DMD: variants seen among roughly 807,000 people sequenced by gnomAD.
The protein encoded by DMD is dystrophin.
A neutral mutation model predicts 330.1 loss-of-function variants in DMD; 63 were observed. The observed-to-expected ratio is 0.19, with a 90% CI of 0.16 to 0.24. The LOEUF (loss-of-function observed/expected upper bound fraction) is 0.24, where lower values mean the gene tolerates loss of function less well. Ranked by LOEUF, DMD falls within the 10% of genes least tolerant of loss-of-function variation. DMD has a pLI of 1.00. For synonymous variants in DMD, 1,223 were observed against 959.8 expected (o/e 1.27, Z -5.07); for missense variants, 3,344 against 2,684.1 (o/e 1.25, Z -5.43).
intron 2 of DMD, among the ~76,000 whole-genome samples, chrX:32,985,530 A>C (rs1395716797): frequency 8.9e-6 from 1 of 111,930 alleles, no homozygotes; most frequent in Non-Finnish European, 1.9e-5. Flanking sequence ...TGTCAGAAAA[A>C]AAAAATCATA....
At chrX:33,180,435 G>A (rs138718151) in intron 1 of DMD, among the ~76,000 whole-genome samples, 1,393 of 111,160 alleles carry the variant, frequency 0.013, 22 homozygotes, top group African/African-American at 0.044. Flanking sequence ...ACACACACGC[G>A]CACACACACA....
At chrX:32,538,895 C>T (rs1458876423) in intron 17 of DMD, among the ~76,000 whole-genome samples, 1 of 109,401 alleles carries the variant, frequency 9.1e-6, no homozygotes, top group East Asian at 2.9e-4. Flanking sequence ...TTGGGCCCAC[C>T]AGCAGTGTTT....
intron 44 of DMD, among the ~76,000 whole-genome samples, chrX:32,054,273 A>G (rs765153676): frequency 9.6e-6 from 1 of 103,854 alleles, no homozygotes; most frequent in East Asian, 3.2e-4. Context: ...TACATGTGCC[A>G]TGTTGGTGTC....
At chrX:32,983,075 C>A (rs1235138746) in intron 2 of DMD, among the ~76,000 whole-genome samples, 1 of 111,746 alleles carries the variant, frequency 8.9e-6, no homozygotes, top group Admixed American at 9.5e-5. Flanking sequence ...GGGAGGGGCA[C>A]CCTCACAGGA....
intron 16 of DMD, among the ~76,000 whole-genome samples, chrX:32,561,378 G>A (rs759876638): frequency 9.0e-6 from 1 of 111,202 alleles, no homozygotes; most frequent in East Asian, 2.8e-4. Flanking sequence ...GTCAATACCT[G>A]AATAGACCAA....
chrX:32,358,113 C>A (rs1164291571), intron 37 of DMD, among the ~76,000 whole-genome samples: 1 of 110,672 alleles, frequency 9.0e-6, no homozygotes, highest in Non-Finnish European at 1.9e-5. Flanking sequence ...GGTGAGAATT[C>A]ATCCTGATTA....
chrX:31,986,515 C>T (rs1350657198), intron 44 of DMD, among the ~76,000 whole-genome samples: 1 of 110,833 alleles, frequency 9.0e-6, no homozygotes, highest in Non-Finnish European at 1.9e-5. Context: ...CGGGTTCAAG[C>T]GATTCTCCTG....
intron 2 of DMD, among the ~76,000 whole-genome samples, chrX:33,009,030 A>G (rs1158132228): frequency 2.1e-5 from 2 of 96,665 alleles, no homozygotes; most frequent in African/African-American, 3.8e-5. Flanking sequence ...ATATATACAC[A>G]TGTGTGTATA....
chrX:32,249,987 C>G (rs1041507679), intron 43 of DMD, among the ~76,000 whole-genome samples: 2 of 101,501 alleles, frequency 2.0e-5, no homozygotes, highest in African/African-American at 7.9e-5. Context: ...CATAATGTCC[C>G]ACTTTTTTTG....
chrX:32,136,935 A>G (rs1200495695), intron 44 of DMD, among the ~76,000 whole-genome samples: 1 of 111,082 alleles, frequency 9.0e-6, no homozygotes. Context: ...GGTGCAGCGC[A>G]CCAGCATGGC....
At chrX:32,294,569 G>A (rs895707116) in intron 42 of DMD, among the ~76,000 whole-genome samples, 4 of 111,678 alleles carry the variant, frequency 3.6e-5, no homozygotes, top group African/African-American at 1.3e-4. Context: ...TTTTAGCAAT[G>A]CTGTACAGCA....
chrX:33,047,342 G>T (rs1225017282), intron 1 of DMD, among the ~76,000 whole-genome samples: 2 of 110,923 alleles, frequency 1.8e-5, no homozygotes, highest in African/African-American at 3.3e-5. Flanking sequence ...GAATATATTC[G>T]ATTGTATTTT....
intron 67 of DMD, among the ~76,000 whole-genome samples, chrX:31,185,469 T>C (rs2041672318): frequency 8.9e-6 from 1 of 112,225 alleles, no homozygotes; most frequent in African/African-American, 3.2e-5. Context: ...TCCATTTCTC[T>C]TGCCGGTCTG....
chrX:32,330,105 G>A (rs2097671785), intron 41 of DMD, among the ~76,000 whole-genome samples: 1 of 112,196 alleles, frequency 8.9e-6, no homozygotes, highest in Admixed American at 9.4e-5. Flanking sequence ...CTAAATGGGT[G>A]CTAAACTATA....
chrX:31,216,157 G>A (rs1340065816), intron 64 of DMD, among the ~76,000 whole-genome samples: 1 of 112,110 alleles, frequency 8.9e-6, no homozygotes, highest in Admixed American at 9.4e-5. Flanking sequence ...ATAAACTGAC[G>A]AGAAAGACTT....
chrX:32,659,837 A>C (rs906324287), intron 9 of DMD, among the ~76,000 whole-genome samples: 11 of 110,753 alleles, frequency 9.9e-5, no homozygotes, highest in African/African-American at 3.3e-4. Flanking sequence ...CTATTCAAGG[A>C]AAGAGATTCT....
chrX:31,371,080 T>C lies in DMD; in HGVS notation c.9085-22446A>G, dbSNP rs766718777. ...AGGCCAATAGGAGGGATCTTTGTAG[T>C]GATGAAAATGTTCTGTATACTGACA... On this transcript the variant is annotated intron_variant, in intron 60 of 78. Coordinates refer to ENST00000357033, the MANE Select transcript of DMD (RefSeq NM_004006.3). Among the ~76,000 whole-genome samples, 3 of 111,584 alleles carry C rather than the reference T, an allele frequency of 2.7e-5. No homozygotes were observed. In the South Asian group the frequency reaches 1.1e-3, roughly 42 times the overall value.
intron 2 of DMD, among the ~76,000 whole-genome samples, chrX:33,013,048 C>T (rs1365865780): frequency 9.0e-6 from 1 of 110,650 alleles, no homozygotes; most frequent in Non-Finnish European, 1.9e-5. Flanking sequence ...ACCCCCCTGC[C>T]TGCTTCTCAT....
chrX:31,392,367 T>C (rs1413071103), intron 60 of DMD, among the ~76,000 whole-genome samples: 1 of 112,856 alleles, frequency 8.9e-6, no homozygotes, highest in East Asian at 2.8e-4. Context: ...CTTAAATTCC[T>C]ATTATGTGAG....
Sources: gnomAD v4.1 joint callset for allele counts (sites outside exome capture counted in the v4.1 genomes callset) on GRCh38, gnomAD v4.1.1 for gene constraint, MANE v1.5 for transcripts, NCBI Gene and HGNC (gene_info 2026-07-23, HGNC 2026-07-21) for gene names.